The following PACRGL variants were observed in gnomAD, a reference collection of about 807,000 sequenced individuals.
The protein encoded by PACRGL is PACRG-like protein.
Under a neutral mutation model 34.5 loss-of-function variants are expected in PACRGL, and 38 were observed. That is an observed-to-expected ratio of 1.10 (90% CI 0.85 to 1.44). The LOEUF (loss-of-function observed/expected upper bound fraction) is 1.44. Ranked by LOEUF, PACRGL falls within the 40% of genes most tolerant of loss-of-function variation. The pLI, the probability that PACRGL is intolerant of heterozygous loss-of-function variation, is 0.00. For missense variants in PACRGL, 305 were observed against 281.4 expected (o/e 1.08, Z -0.60); for synonymous variants, 128 against 100.1 (o/e 1.28, Z -1.66).
intron 1 of PACRGL, 145 bp downstream of exon 1, chr4:20,700,932 G>T (rs1731878522): frequency 6.6e-6 from 1 of 152,142 alleles, no homozygotes; most frequent in Admixed American, 6.6e-5. Flanking sequence ...GGGGTGGCTG[G>T]GAAGGTGGAA....
chr4:20,755,467 C>CA (rs34868448), downstream of PACRGL, among the ~76,000 whole-genome samples: 2 of 152,108 alleles, frequency 1.3e-5, no homozygotes, highest in Non-Finnish European at 2.9e-5. Flanking sequence ...TTCATTCATG[C>CA]AAAAAGCATT....
Position 20,712,812 on chromosome 4 carries a change from T to C in PACRGL, c.391T>C (p.Tyr131His). ...GGGTCTGAGAGAGACTAAGCATCCA[T>C]ACACTTTTGTGTCAAAGGAGGGTTT... ...AEGLRETKHP[Y>H]TFVSKEGFRE... Residue 131 changes from tyrosine to histidine, a missense_variant, in exon 6 of 9, where the codon TAC becomes CAC. Coordinates refer to ENST00000503585, the MANE Select transcript of PACRGL (RefSeq NM_001258345.3). The C allele has an allele frequency of 6.3e-7, 1 of 1,591,126 alleles. No homozygotes were observed. Among genetic ancestry groups the C allele is most frequent in the Non-Finnish European group, 8.6e-7 (1 of 1,166,782 alleles).
upstream of PACRGL, among the ~76,000 whole-genome samples, chr4:20,698,783 TGA>T (rs1731379012): frequency 6.6e-6 from 1 of 152,234 alleles, no homozygotes; most frequent in African/African-American, 2.4e-5. Context: ...ACACATAGCA[TGA>T]GACTTTTGCC....
chr4:20,740,025 G>A (rs1179364169), intron 8 of PACRGL, among the ~76,000 whole-genome samples: 1 of 152,184 alleles, frequency 6.6e-6, no homozygotes, highest in Non-Finnish European at 1.5e-5. Flanking sequence ...GAAATGAAGC[G>A]AGAAGAGAAG....
At chr4:20,706,198 GA>G (rs1734406496) in intron 3 of PACRGL, among the ~76,000 whole-genome samples, 1 of 151,792 alleles carries the variant, frequency 6.6e-6, no homozygotes, top group Non-Finnish European at 1.5e-5. Context: ...GTGGAACATG[GA>G]AGATGAAACC....
chr4:20,725,560 G>A (rs995830157), intron 8 of PACRGL, among the ~76,000 whole-genome samples: 6 of 152,054 alleles, frequency 3.9e-5, no homozygotes, highest in African/African-American at 1.4e-4. Flanking sequence ...AGCAGTCCTT[G>A]CTTTTGGAAA....
chr4:20,758,722 G>A, the PACRGL span: 4 of 884,722 alleles, frequency 4.5e-6, no homozygotes, highest in Admixed American at 2.0e-5. Context: ...TTTACATAAC[G>A]ATTAAAAATG....
At position 20,731,664 on chromosome 4, in the gene PACRGL, AAT is replaced by A. The variant is rs1052005997; in HGVS notation, c.*4328_*4329del. 4.6e-5 allele frequency: 45 copies of A among 985,100 alleles called. No individual in the cohort carries two copies. The highest frequency in any genetic ancestry group is 5.3e-5 in the Non-Finnish European group (44 of 829,640). 61.0% of individuals were successfully genotyped at this position (985,100 alleles called of 1,614,324 possible). A position where few individuals can be genotyped will look rare whatever the true frequency, so the allele number is the denominator to read the frequency against. On this transcript the variant is annotated 3_prime_UTR_variant, in exon 9 of 9. Coordinates refer to ENST00000503585, the MANE Select transcript of PACRGL (RefSeq NM_001258345.3). ...CTAATGCTGTGGAGATATGATAGAT[AAT>A]ATATGAGTGATGCTAAGTTTTGGCA...
intron 7 of PACRGL, among the ~76,000 whole-genome samples, chr4:20,717,894 G>T (rs921094888): frequency 1.1e-4 from 17 of 152,078 alleles, no homozygotes; most frequent in African/African-American, 4.1e-4. Flanking sequence ...AGCTCGATGG[G>T]GATGGCATTG....
At chr4:20,749,607 C>G in intron 8 of PACRGL, 1 of 1,257,002 alleles carries the variant, frequency 8.0e-7, no homozygotes, top group Non-Finnish European at 1.1e-6. Flanking sequence ...CATTTTCCCC[C>G]TAAAAAGACT....
At chr4:20,766,543 G>A in the PACRGL span, among the ~76,000 whole-genome samples, 1 of 152,122 alleles carries the variant, frequency 6.6e-6, no homozygotes, top group South Asian at 2.1e-4. Context: ...TCCAGCCTGG[G>A]TGACAGAGCA....
At position 20,709,669 on chromosome 4, in the gene PACRGL, CTT is replaced by C. The variant is rs752830505; in HGVS notation, c.276-11_276-10del. On this transcript the variant is annotated splice_polypyrimidine_tract_variant and intron_variant, in intron 4 of 8. Transcript: ENST00000503585. ...ATATTTTTCTTGTTGCATTCACTAA[CTT>C]TTATATTTTAGATTGGTACATGGTT... The C allele has an allele frequency of 4.6e-6, 7 of 1,530,728 alleles. No homozygotes were observed. Among genetic ancestry groups the C allele is most frequent in the Non-Finnish European group, 6.3e-6 (7 of 1,118,812 alleles). The allele number at this position is 1,530,728 out of a possible 1,614,324, so 94.8% of individuals were successfully genotyped here.
At chr4:20,747,654 C>T (rs1019339303) in intron 8 of PACRGL, among the ~76,000 whole-genome samples, 1 of 152,210 alleles carries the variant, frequency 6.6e-6, no homozygotes, top group South Asian at 2.1e-4. Context: ...TCTCCACTCT[C>T]AGCTTTTATT....
chr4:20,753,822 A>G (rs1754049474), downstream of PACRGL, among the ~76,000 whole-genome samples: 2 of 152,196 alleles, frequency 1.3e-5, no homozygotes, highest in African/African-American at 4.8e-5. Context: ...TTATGTCTAC[A>G]GAACTCATCT....
intron 6 of PACRGL, 159 bp downstream of exon 6, chr4:20,713,081 C>A: frequency 1.4e-6 from 1 of 740,052 alleles, no homozygotes. Flanking sequence ...GCAACTGTTA[C>A]TCAGGGCCAG....
At chr4:20,734,821 A>G (rs549834933), downstream of PACRGL, 19 of 678,582 alleles carry the variant, frequency 2.8e-5, no homozygotes, top group African/African-American at 3.4e-4. Flanking sequence ...AAGGGCTACA[A>G]CCCTCTGGAT....
chr4:20,764,681 GACACAC>G, the PACRGL span, among the ~76,000 whole-genome samples: 4 of 147,220 alleles, frequency 2.7e-5, no homozygotes, highest in Admixed American at 6.8e-5. Flanking sequence ...ATGGGAATTG[GACACAC>G]ACACACACAC....
At chr4:20,704,388 C>G in intron 1 of PACRGL, 78 bp from the exon 2 acceptor site, 1 of 1,336,024 alleles carries the variant, frequency 7.5e-7, no homozygotes, top group East Asian at 2.4e-5. Flanking sequence ...ATACTCTGTT[C>G]TGGTTTTGTC....
At chr4:20,717,823 T>C (rs1013776979) in intron 7 of PACRGL, among the ~76,000 whole-genome samples, 7 of 151,694 alleles carry the variant, frequency 4.6e-5, no homozygotes, top group Non-Finnish European at 1.0e-4. Flanking sequence ...GTGGGCTCTT[T>C]TTTGTTTCCA....
Sources: gnomAD v4.1 joint callset for allele counts (sites outside exome capture counted in the v4.1 genomes callset) on GRCh38, gnomAD v4.1.1 for gene constraint, MANE v1.5 for transcripts, NCBI Gene and HGNC (gene_info 2026-07-23, HGNC 2026-07-21) for gene names.